MAD1L1: variants seen among roughly 807,000 people sequenced by gnomAD.
The protein encoded by MAD1L1 is mitotic arrest deficient 1 like 1, also known as mitotic spindle assembly checkpoint protein MAD1.
Under a neutral mutation model 96.9 loss-of-function variants are expected in MAD1L1, and 95 were observed. The observed-to-expected ratio is 0.98, with a 90% CI of 0.83 to 1.16. The LOEUF (loss-of-function observed/expected upper bound fraction) is 1.16, where lower values mean the gene tolerates loss of function less well. Ranked by LOEUF, MAD1L1 falls within the 50% of genes most tolerant of loss-of-function variation. The pLI, the probability that MAD1L1 is intolerant of heterozygous loss-of-function variation, is 0.00. For synonymous variants in MAD1L1, 473 were observed against 396.6 expected (o/e 1.19, Z -2.29); for missense variants, 1,007 against 954.4 (o/e 1.06, Z -0.73).
intron 10 of MAD1L1, among the ~76,000 whole-genome samples, chr7:2,171,751 C>T (rs1222133590): frequency 5.9e-5 from 9 of 151,764 alleles, no homozygotes; most frequent in Admixed American, 5.9e-4. Flanking sequence ...GGGTCACCTC[C>T]GCCATGCAAA....
intron 15 of MAD1L1, among the ~76,000 whole-genome samples, chr7:1,975,872 G>A (rs959955358): frequency 1.3e-5 from 2 of 152,178 alleles, no homozygotes; most frequent in Non-Finnish European, 2.9e-5. Context: ...GTGACTAGCA[G>A]GCACTGGCAC....
At chr7:1,820,768 C>T (rs956817531) in intron 18 of MAD1L1, among the ~76,000 whole-genome samples, 8 of 151,568 alleles carry the variant, frequency 5.3e-5, no homozygotes, top group East Asian at 1.9e-4. Flanking sequence ...AGACCAGCAA[C>T]GATAAATTGA....
At position 1,816,082 on chromosome 7, in the gene MAD1L1, C is replaced by T. The variant is rs762342431; in HGVS notation, c.2145G>A (p.Gln715=). 1 of 1,610,756 alleles carries T rather than the reference C, an allele frequency of 6.2e-7. No individual in the cohort carries two copies. Among genetic ancestry groups the T allele is most frequent in the Admixed American group, 1.7e-5 (1 of 59,934 alleles). ...SSLTLELFSR[Q]TVA ...CCGAGCCTGCAGGCTACGCCACGGT[C>T]TGGCGGCTGAAGAGCTCGAGGGTGA... Residue 715 remains glutamine, a synonymous_variant, in exon 19 of 19, where the codon CAG becomes CAA. Coordinates refer to ENST00000265854, the MANE Select transcript of MAD1L1 (RefSeq NM_001013836.2).
At position 2,100,709 on chromosome 7, in the gene MAD1L1, G is replaced by T. The variant is rs150490755; in HGVS notation, c.1074-31371C>A. Reference sequence around the variant, plus strand: ...CGCGTCCACCCAAGCCCCAGGTCCTGGCCGCAAATCATCACTTCATCTTGG... The same window carrying T: ...CGCGTCCACCCAAGCCCCAGGTCCTTGCCGCAAATCATCACTTCATCTTGG... On this transcript the variant is annotated intron_variant, in intron 11 of 18. Transcript: ENST00000265854. Among the ~76,000 whole-genome samples, 478 of 152,370 alleles carry T rather than the reference G, an allele frequency of 3.1e-3. 3 individuals carry two copies. The highest frequency in any genetic ancestry group is 0.011 in the African/African-American group (464 of 41,592).
chr7:2,099,728 C>T (rs530675851), intron 11 of MAD1L1, among the ~76,000 whole-genome samples: 15 of 152,324 alleles, frequency 9.8e-5, no homozygotes, highest in South Asian at 4.1e-4. Flanking sequence ...AGGAAGCACC[C>T]GGGCCGTGGC....
intron 11 of MAD1L1, among the ~76,000 whole-genome samples, chr7:2,080,228 C>T (rs940615436): frequency 5.3e-5 from 8 of 152,230 alleles, no homozygotes; most frequent in South Asian, 2.1e-4. Context: ...ATATGGCTTA[C>T]GGCTGCTTTC....
intron 11 of MAD1L1, among the ~76,000 whole-genome samples, chr7:2,097,887 C>G (rs774938363): frequency 6.6e-6 from 1 of 152,202 alleles, no homozygotes; most frequent in African/African-American, 2.4e-5. Context: ...CAGCAAGGGA[C>G]GAGGGCCGGG....
chr7:2,079,587 C>T (rs377480341), intron 11 of MAD1L1: 37 of 468,770 alleles, frequency 7.9e-5, no homozygotes, highest in Middle Eastern at 6.5e-4. Flanking sequence ...AGAGGCCACA[C>T]GGCAAATACT....
chr7:1,842,277 C>T (rs1181417845), intron 18 of MAD1L1, among the ~76,000 whole-genome samples: 1 of 152,170 alleles, frequency 6.6e-6, no homozygotes, highest in Non-Finnish European at 1.5e-5. Flanking sequence ...TCACAGACAC[C>T]CTTCCCACCT....
At chr7:2,004,519 G>A (rs1200183229) in intron 13 of MAD1L1, among the ~76,000 whole-genome samples, 1 of 152,220 alleles carries the variant, frequency 6.6e-6, no homozygotes, top group African/African-American at 2.4e-5. Flanking sequence ...TCCGGAAGCA[G>A]CAGGGCTGAG....
chr7:2,051,059 T>C (rs1784145152), intron 12 of MAD1L1, among the ~76,000 whole-genome samples: 2 of 152,246 alleles, frequency 1.3e-5, no homozygotes, highest in Admixed American at 6.5e-5. Context: ...AAAGAGAGCA[T>C]GTTTCTCTAC....
chr7:1,871,569 GCCTGCCACGCCGAACCCACCGTAACA>G (rs1477018270), intron 18 of MAD1L1, among the ~76,000 whole-genome samples: 17 of 139,244 alleles, frequency 1.2e-4, no homozygotes, highest in African/African-American at 3.6e-4. Flanking sequence ...CCCAACATAC[GCCTGCCACGCCGAACCCACCGTAACA>G]CCTGCCACGC....
chr7:2,079,742 C>T (rs1166611626), intron 11 of MAD1L1: 1 of 470,962 alleles, frequency 2.1e-6, no homozygotes, highest in Non-Finnish European at 4.4e-6. Context: ...GGGTGGGGAG[C>T]CCCGGCAAGC....
intron 11 of MAD1L1, among the ~76,000 whole-genome samples, chr7:2,126,430 G>A (rs369397819): frequency 9.8e-5 from 15 of 152,328 alleles, no homozygotes; most frequent in African/African-American, 3.4e-4. Flanking sequence ...GAGGCCCCCA[G>A]CCTGGACCCC....
At chr7:2,205,856 G>A (rs527564487) in intron 10 of MAD1L1, among the ~76,000 whole-genome samples, 4 of 152,306 alleles carry the variant, frequency 2.6e-5, no homozygotes, top group Admixed American at 1.3e-4. Flanking sequence ...AAAGCAGGCC[G>A]GGTACAGTGG....
chr7:1,891,903 G>A (rs1786563565), intron 18 of MAD1L1, among the ~76,000 whole-genome samples: 1 of 152,122 alleles, frequency 6.6e-6, no homozygotes, highest in Admixed American at 6.6e-5. Context: ...TTGAAGAAAA[G>A]AACAGTATTT....
At chr7:2,159,585 C>G (rs1029351311) in intron 10 of MAD1L1, among the ~76,000 whole-genome samples, 1 of 152,160 alleles carries the variant, frequency 6.6e-6, no homozygotes, top group Non-Finnish European at 1.5e-5. Flanking sequence ...TTATTTTGTT[C>G]TGTTTTTTTC....
intron 10 of MAD1L1, among the ~76,000 whole-genome samples, chr7:2,184,194 G>GT (rs1382437518): frequency 6.6e-6 from 1 of 152,124 alleles, no homozygotes; most frequent in Non-Finnish European, 1.5e-5. Flanking sequence ...GGAGCTTGCA[G>GT]TGAGTGGAGA....
intron 10 of MAD1L1, among the ~76,000 whole-genome samples, chr7:2,197,650 C>T (rs536093224): frequency 3.9e-5 from 6 of 152,300 alleles, no homozygotes; most frequent in Non-Finnish European, 5.9e-5. Context: ...CACCTGCAAA[C>T]GCCAAAATCC....
Sources: gnomAD v4.1 joint callset for allele counts (sites outside exome capture counted in the v4.1 genomes callset) on GRCh38, gnomAD v4.1.1 for gene constraint, MANE v1.5 for transcripts, NCBI Gene and HGNC (gene_info 2026-07-23, HGNC 2026-07-21) for gene names.